Variants in SIL1 observed in about 807,000 individuals in gnomAD.
SIL1 encodes the protein SIL1 nucleotide exchange factor.
Under a neutral mutation model 49.1 loss-of-function variants are expected in SIL1, and 40 were observed. That is an observed-to-expected ratio of 0.81 (90% CI 0.63 to 1.06). The LOEUF is 1.06. SIL1 is among the 50% of genes least tolerant of loss of function. The pLI is 0.00. For synonymous variants in SIL1, 253 were observed against 250.8 expected (o/e 1.01, Z -0.08); for missense variants, 500 against 572.6 (o/e 0.87, Z 1.29).
chr5:138,952,464 A>C (rs1766803763), intron 7 of SIL1, among the ~76,000 whole-genome samples: 1 of 152,210 alleles, frequency 6.6e-6, no homozygotes, highest in South Asian at 2.1e-4. Flanking sequence ...GCAGATCCTA[A>C]AACAGGACAA....
intron 3 of SIL1, among the ~76,000 whole-genome samples, chr5:139,112,106 C>G (rs548698020): frequency 2.0e-5 from 3 of 152,354 alleles, no homozygotes; most frequent in South Asian, 2.1e-4. Context: ...CTCGGCCTCC[C>G]GAGGTGCCGG....
chr5:139,174,937 C>CAA (rs56959325), intron 1 of SIL1, among the ~76,000 whole-genome samples: 589 of 58,824 alleles, frequency 0.01, 5 homozygotes, highest in African/African-American at 0.022. Context: ...GACTGTGTCT[C>CAA]AAAAAAAAAA....
chr5:139,166,207 T>C (rs1751620932), intron 1 of SIL1, among the ~76,000 whole-genome samples: 1 of 152,232 alleles, frequency 6.6e-6, no homozygotes, highest in African/African-American at 2.4e-5. Context: ...AGAATTTGTC[T>C]GATATAAATC....
chr5:139,022,043 C>G (rs969840244), intron 6 of SIL1: 1 of 153,006 alleles, frequency 6.5e-6, no homozygotes, highest in Non-Finnish European at 1.5e-5. Flanking sequence ...TACTCTATAG[C>G]GGATCTCATT....
At chr5:139,115,688 C>G (rs930872405) in intron 3 of SIL1, among the ~76,000 whole-genome samples, 1 of 152,190 alleles carries the variant, frequency 6.6e-6, no homozygotes, top group Non-Finnish European at 1.5e-5. Context: ...TCCCTACCCC[C>G]ACTCCAATAT....
intron 3 of SIL1, among the ~76,000 whole-genome samples, chr5:139,077,159 A>G (rs1334613484): frequency 6.6e-6 from 1 of 152,102 alleles, no homozygotes; most frequent in Non-Finnish European, 1.5e-5. Flanking sequence ...ATTCTTCCCC[A>G]CCACCTCTGA....
At chr5:138,999,851 T>C (rs1386372990) in intron 7 of SIL1, among the ~76,000 whole-genome samples, 1 of 152,132 alleles carries the variant, frequency 6.6e-6, no homozygotes, top group Non-Finnish European at 1.5e-5. Context: ...TGCACCATGA[T>C]TGCACCACAG....
intron 7 of SIL1, among the ~76,000 whole-genome samples, chr5:139,004,192 G>C (rs944011354): frequency 2.6e-5 from 4 of 152,056 alleles, no homozygotes; most frequent in African/African-American, 9.7e-5. Context: ...TTTGAGATAG[G>C]GTCTTGTTAT....
At chr5:139,027,985 G>T (rs1195721382) in intron 5 of SIL1, among the ~76,000 whole-genome samples, 4 of 152,100 alleles carry the variant, frequency 2.6e-5, no homozygotes, top group Non-Finnish European at 5.9e-5. Context: ...CATCCATGGG[G>T]CGCCACATCC....
At chr5:139,149,535 C>T (rs1190430072) in intron 1 of SIL1, among the ~76,000 whole-genome samples, 3 of 152,270 alleles carry the variant, frequency 2.0e-5, no homozygotes, top group South Asian at 4.1e-4. Flanking sequence ...AATACACACT[C>T]TTAAGGAGAA....
At chr5:139,113,317 A>T (rs59248598) in intron 3 of SIL1, among the ~76,000 whole-genome samples, 26,489 of 139,318 alleles carry the variant, frequency 0.19, 3,639 homozygotes, top group African/African-American at 0.39. Context: ...AAAAATAAAT[A>T]AATAAATAAA....
chr5:139,024,058 T>C (rs1309707163), intron 6 of SIL1, among the ~76,000 whole-genome samples: 2 of 152,204 alleles, frequency 1.3e-5, no homozygotes, highest in African/African-American at 4.8e-5. Context: ...AAGAACTTTG[T>C]TGGGGCAATG....
At position 139,014,113 on chromosome 5, in the gene SIL1, T is replaced by C. The variant is rs186767664; in HGVS notation, c.767+7058A>G. 3.9e-5 allele frequency: 6 copies of C among 152,196 alleles called. No homozygotes were observed. The East Asian group carries it at 9.7e-4, about 25-fold the overall frequency. The allele number at this position is 152,196 out of a possible 1,614,324, so 9.4% of individuals were successfully genotyped here. On this transcript the variant is annotated intron_variant, in intron 7 of 9. Coordinates refer to ENST00000394817, the MANE Select transcript of SIL1 (RefSeq NM_022464.5). ...AAGTAGATGTATTAAAGAGTCAGTT[T>C]TCCCAGCACTCTGGGAGGCTGAGGC...
At chr5:139,055,088 G>A (rs892960721) in intron 3 of SIL1, among the ~76,000 whole-genome samples, 4 of 152,134 alleles carry the variant, frequency 2.6e-5, no homozygotes, top group African/African-American at 9.7e-5. Flanking sequence ...AAGGGTACAG[G>A]CAGAAAATAA....
intron 6 of SIL1, chr5:139,021,980 T>C (rs1768540014): frequency 6.4e-6 from 1 of 156,524 alleles, no homozygotes; most frequent in African/African-American, 2.4e-5. Flanking sequence ...TTCAACAGCA[T>C]TGGTCTAGGC....
intron 1 of SIL1, among the ~76,000 whole-genome samples, chr5:139,195,535 C>A (rs563007032): frequency 6.6e-6 from 1 of 152,184 alleles, no homozygotes; most frequent in East Asian, 1.9e-4. Context: ...CTACAGGCAC[C>A]CACCACCTCG....
At chr5:138,979,800 G>C (rs1017777100) in intron 7 of SIL1, among the ~76,000 whole-genome samples, 2 of 152,234 alleles carry the variant, frequency 1.3e-5, no homozygotes, top group Non-Finnish European at 2.9e-5. Context: ...TTTCTGTCTA[G>C]AGGAGCTGTA....
intron 3 of SIL1, among the ~76,000 whole-genome samples, chr5:139,120,273 C>G (rs1171442495): frequency 6.6e-6 from 1 of 152,194 alleles, no homozygotes; most frequent in African/African-American, 2.4e-5. Context: ...ACAGCTAGGA[C>G]TGGGAAGAAG....
rs114899945 is a variant in SIL1, at chr5:138,959,382, T to G, written c.768-7498A>C. 1.7e-3 allele frequency among the ~76,000 whole-genome samples: 253 copies of G among 152,354 alleles called. 1 individual carries two copies. The highest frequency in any genetic ancestry group is 5.9e-3 in the African/African-American group (247 of 41,588). ...AATTGGCAGCCCAGTACTTGAAGAC[T>G]ACATCATCAAACAAGGCAGCTTTAC... On this transcript the variant is annotated intron_variant, in intron 7 of 9. Coordinates refer to ENST00000394817, the MANE Select transcript of SIL1 (RefSeq NM_022464.5).
Sources: allele counts gnomAD v4.1 joint callset (sites outside exome capture counted in the v4.1 genomes callset), GRCh38; gene constraint gnomAD v4.1.1; transcripts MANE v1.5; gene names NCBI Gene and HGNC (gene_info 2026-07-23, HGNC 2026-07-21).